Variants in FNTB observed in about 807,000 individuals in gnomAD.
The protein encoded by FNTB is protein farnesyltransferase subunit beta.
A neutral mutation model predicts 59.4 loss-of-function variants in FNTB; 27 were observed. The observed-to-expected ratio is 0.45, with a 90% CI of 0.34 to 0.63. The LOEUF is 0.63. Among genes scored for constraint, FNTB ranks in the 20% least tolerant of loss-of-function variants. The pLI is 0.02. For missense variants in FNTB, 449 were observed against 559.6 expected, an observed-to-expected ratio of 0.80 and a Z score of 1.99; for synonymous variants, 230 against 220.7, an observed-to-expected ratio of 1.04 and a Z score of -0.37.
At position 65,031,979 on chromosome 14, in the gene FNTB, C is replaced by T. The variant is rs908706634; in HGVS notation, c.606-631C>T. On this transcript the variant is annotated intron_variant, in intron 6 of 11. Coordinates refer to ENST00000246166, the MANE Select transcript of FNTB (RefSeq NM_002028.4). The surrounding 1 kb of genome is among the most constrained non-coding windows in gnomAD (Gnocchi z 4.6). ...ATAGACGTGCGCCTTTTTCATTTAACGTGTGTGTGTGTGTGTGTGTGTGTG... is the reference window on the plus strand; with the variant it reads ...ATAGACGTGCGCCTTTTTCATTTAATGTGTGTGTGTGTGTGTGTGTGTGTG... Among the ~76,000 whole-genome samples the T allele has an allele frequency of 9.2e-5, 13 of 141,290 alleles. No homozygotes were observed. Among genetic ancestry groups the T allele is most frequent in the African/African-American group, 2.6e-4 (10 of 37,892 alleles). The allele number at this position is 141,290 out of a possible 152,430, so 92.7% of individuals were successfully genotyped here.
intron 1 of FNTB, chr14:65,003,620 A>G (rs557803633): frequency 6.6e-6 from 1 of 152,314 alleles, no homozygotes; most frequent in Non-Finnish European, 1.5e-5. Context: ...TTTCAACTAA[A>G]AACAGAGAAG....
Position 65,011,284 on chromosome 14 carries a change from C to T in FNTB, c.210-1033C>T, listed in dbSNP as rs1325321619. On this transcript the variant is annotated intron_variant, in intron 2 of 11. Transcript: ENST00000246166. This position sits in a 1 kb window ranked among gnomAD's most constrained non-coding sequence, Gnocchi z 4.0. ...TCTCCACTAAAAATACAAAAATTAG[C>T]TGGGTGTGGTGGCACGTGCCTGTAA... Among the ~76,000 whole-genome samples, 1 of 152,110 alleles carries T rather than the reference C, an allele frequency of 6.6e-6. No homozygotes were observed. Among genetic ancestry groups the T allele is most frequent in the South Asian group, 2.1e-4 (1 of 4,826 alleles).
Position 65,028,977 on chromosome 14 carries a change from C to T in FNTB, c.605+1196C>T, listed in dbSNP as rs1247095202. Among the ~76,000 whole-genome samples the T allele has an allele frequency of 3.3e-5, 5 of 152,094 alleles. No individual in the cohort carries two copies. Among genetic ancestry groups the T allele is most frequent in the African/African-American group, 7.2e-5 (3 of 41,418 alleles). On this transcript the variant is annotated intron_variant, in intron 6 of 11. Transcript: ENST00000246166. The surrounding 1 kb of genome is among the most constrained non-coding windows in gnomAD (Gnocchi z 4.4). The stretch of plus-strand genomic sequence containing the variant: ...TTGGTATTTTATCATATACCTTTTG[C>T]AGCTGTGATTATTTGCTATCTTATT...
rs1271326997 is a variant in FNTB, at chr14:65,061,337, T to A, written c.*25T>A. On this transcript the variant is annotated 3_prime_UTR_variant, in exon 12 of 12. Transcript: ENST00000246166. ...GAGGACCTGGGTCCCGGCAGCTCTT[T>A]GCTCACCCATCTCCCCAGTCAGACA... 1 of 1,612,868 alleles carries A rather than the reference T, an allele frequency of 6.2e-7. No individual in the cohort carries two copies.
Position 64,997,726 on chromosome 14 carries a change from A to T in FNTB, c.145-6523A>T, listed in dbSNP as rs952470302. ...GGGAGGTGACCGGGAAAAGCACAGT[A>T]AACAAGGATAAGGTTTGTTATGCAG... is the stretch of plus-strand genomic sequence containing the variant. On this transcript the variant is annotated intron_variant, in intron 1 of 11. Transcript: ENST00000246166. The surrounding 1 kb of genome is among the most constrained non-coding windows in gnomAD (Gnocchi z 4.5). Among the ~76,000 whole-genome samples, 1 of 152,242 alleles carries T rather than the reference A, an allele frequency of 6.6e-6. No homozygotes were observed. Among genetic ancestry groups the T allele is most frequent in the East Asian group, 1.9e-4 (1 of 5,194 alleles).
chr14:65,019,230 T>C lies in FNTB; in HGVS notation c.374+3514T>C, dbSNP rs561144283. Among the ~76,000 whole-genome samples, 4 of 152,166 alleles carry C rather than the reference T, an allele frequency of 2.6e-5. No homozygotes were observed. The East Asian group carries it at 5.8e-4, about 22-fold the overall frequency. On this transcript the variant is annotated intron_variant, in intron 4 of 11. Coordinates refer to ENST00000246166, the MANE Select transcript of FNTB (RefSeq NM_002028.4). ...GGCTGGATGTAGTGGCTCATGGCTG[T>C]AATCCCAGGACTTTGAGAGGCTGAG...
rs544456812 is a variant in FNTB at position 64,994,296 on chromosome 14, C to G, written c.144+7199C>G. Among the ~76,000 whole-genome samples, 1 of 152,188 alleles carries G rather than the reference C, an allele frequency of 6.6e-6. No homozygotes were observed. Among genetic ancestry groups the G allele is most frequent in the Admixed American group, 6.5e-5 (1 of 15,284 alleles). On this transcript the variant is annotated intron_variant, in intron 1 of 11. Transcript: ENST00000246166. This position sits in a 1 kb window ranked among gnomAD's most constrained non-coding sequence, Gnocchi z 4.2. Reference sequence around the variant, plus strand: ...AGTGTTGGGGACCCTAGTACAGTTACTTGATCCCTGGCCCCTAGAGTCTAA... The same window carrying G: ...AGTGTTGGGGACCCTAGTACAGTTAGTTGATCCCTGGCCCCTAGAGTCTAA...
At chr14:65,040,946 C>G (rs2062338286) in intron 8 of FNTB, 27 bp downstream of exon 8, 1 of 1,609,880 alleles carries the variant, frequency 6.2e-7, no homozygotes, top group East Asian at 2.2e-5. Flanking sequence ...CCATCCCCCT[C>G]TCAGGCCCCA....
At chr14:65,015,822 C>G (rs914550110) in intron 4 of FNTB, 106 bp downstream of exon 4, 4 of 1,308,042 alleles carry the variant, frequency 3.1e-6, no homozygotes, top group Non-Finnish European at 4.3e-6. Flanking sequence ...AAAAACAGTG[C>G]CACAAAGAAA....
Position 64,996,148 on chromosome 14 carries a change from G to C in FNTB, c.145-8101G>C, listed in dbSNP as rs1443418729. On this transcript the variant is annotated intron_variant, in intron 1 of 11. Transcript: ENST00000246166. ...CAAAAAAAAAAAAAAAAAGAAAAAAGAAAAGAAACAACCAAGCCTGGGCTG... is the reference window on the plus strand; with the variant it reads ...CAAAAAAAAAAAAAAAAAGAAAAAACAAAAGAAACAACCAAGCCTGGGCTG... Among the ~76,000 whole-genome samples, 6 of 147,272 alleles carry C rather than the reference G, an allele frequency of 4.1e-5. No homozygotes were observed. In the East Asian group the frequency reaches 9.9e-4, roughly 24 times the overall value.
rs2061930584 is a variant in FNTB, at chr14:65,023,856, T to C, written c.375-3597T>C. Among the ~76,000 whole-genome samples, 1 of 152,028 alleles carries C rather than the reference T, an allele frequency of 6.6e-6. No individual in the cohort carries two copies. The highest frequency in any genetic ancestry group is 2.4e-5 in the African/African-American group (1 of 41,384). ...TGGCTCACGCCTGTAATCCTAGCAC[T>C]TTGGGAGGCCAAGGCGGGCGGATTG... On this transcript the variant is annotated intron_variant, in intron 4 of 11. Coordinates refer to ENST00000246166, the MANE Select transcript of FNTB (RefSeq NM_002028.4). The surrounding 1 kb of genome is among the most constrained non-coding windows in gnomAD (Gnocchi z 4.1).
Position 65,060,497 on chromosome 14 carries a change from C to A in FNTB, c.1183-684C>A, listed in dbSNP as rs1230288371. 1.6e-5 allele frequency among the ~76,000 whole-genome samples: 2 copies of A among 125,992 alleles called. 1 individual carries two copies. Among genetic ancestry groups the A allele is most frequent in the African/African-American group, 9.1e-5 (2 of 22,086 alleles). The allele number at this position is 125,992 out of a possible 152,430, so 82.7% of individuals were successfully genotyped here. On this transcript the variant is annotated intron_variant, in intron 11 of 11. Coordinates refer to ENST00000246166, the MANE Select transcript of FNTB (RefSeq NM_002028.4). The stretch of plus-strand genomic sequence containing the variant: ...GGATCACGAGGTCAGGAGATCGAGA[C>A]CATCCCGGCTAAAACGGTGAAACCC...
chr14:65,036,583 C>T (rs2062198357), intron 7 of FNTB, among the ~76,000 whole-genome samples: 1 of 152,152 alleles, frequency 6.6e-6, no homozygotes, highest in Admixed American at 6.5e-5. Flanking sequence ...AAATGGATTC[C>T]ACTGTGCTGT....
Position 65,027,176 on chromosome 14 carries a change from C to T in FNTB, c.375-277C>T, listed in dbSNP as rs1233167706. 6.6e-6 allele frequency among the ~76,000 whole-genome samples: 1 copy of T among 152,210 alleles called. No homozygotes were observed. The highest frequency in any genetic ancestry group is 1.5e-5 in the Non-Finnish European group (1 of 68,038). ...AGCACGGGAGACTCTTACCCCATAG[C>T]TACGAAAGTCGGTTTCTTCCCAGCC... On this transcript the variant is annotated intron_variant, in intron 4 of 11. Coordinates refer to ENST00000246166, the MANE Select transcript of FNTB (RefSeq NM_002028.4). This position sits in a 1 kb window ranked among gnomAD's most constrained non-coding sequence, Gnocchi z 5.7.
chr14:65,017,962 T>A (rs889042099), intron 4 of FNTB, among the ~76,000 whole-genome samples: 2 of 152,002 alleles, frequency 1.3e-5, no homozygotes, highest in South Asian at 2.1e-4. Flanking sequence ...CTCAAAAAAA[T>A]AAATAAATAA....
chr14:65,033,191 T>G (rs12435835), intron 7 of FNTB, among the ~76,000 whole-genome samples: 86,407 of 152,048 alleles, frequency 0.57, 25,234 homozygotes, highest in African/African-American at 0.7. Flanking sequence ...GAGTTACATG[T>G]ATCAATATGG....
At chr14:65,055,102 C>A (rs1402302743) in intron 11 of FNTB, among the ~76,000 whole-genome samples, 2 of 152,250 alleles carry the variant, frequency 1.3e-5, no homozygotes, top group African/African-American at 4.8e-5. Context: ...TAGATGCCAT[C>A]TCTTCAGAGA....
In FNTB at chr14:65,027,534, C is replaced by T; in HGVS notation, c.456C>T (p.Pro152=). The change falls in exon 5 of 12, where the codon CCC becomes CCT. Residue 152 remains proline, a synonymous_variant. Transcript: ENST00000246166. This position sits in a 1 kb window ranked among gnomAD's most constrained non-coding sequence, Gnocchi z 5.7. Reference sequence around the variant, plus strand: ...CCGGTCAGTATCCACACCTTGCACCCACATATGCAGCAGTCAATGCATTGT... The same window carrying T: ...CCGGTCAGTATCCACACCTTGCACCTACATATGCAGCAGTCAATGCATTGT... ...GGPGQYPHLA[P]TYAAVNALCI... is the part of the protein sequence containing the mutation. 2 of 1,614,194 alleles carry T rather than the reference C, an allele frequency of 1.2e-6. No homozygotes were observed. Among genetic ancestry groups the T allele is most frequent in the Non-Finnish European group, 1.7e-6 (2 of 1,180,030 alleles).
At chr14:65,042,593 C>T (rs1005079571) in intron 8 of FNTB, among the ~76,000 whole-genome samples, 2 of 152,204 alleles carry the variant, frequency 1.3e-5, no homozygotes, top group African/African-American at 4.8e-5. Context: ...TCCTGCTGTG[C>T]AGCCTGGCAT....
Sources: gnomAD v4.1 joint callset for allele counts (sites outside exome capture counted in the v4.1 genomes callset) on GRCh38, gnomAD v4.1.1 for gene constraint, Gnocchi (gnomAD v3.1) non-coding constraint, MANE v1.5 for transcripts, NCBI Gene and HGNC (gene_info 2026-07-23, HGNC 2026-07-21) for gene names.